The following PCGF5 variants were observed in gnomAD, a reference collection of about 807,000 sequenced individuals.
PCGF5 encodes polycomb group ring finger 5.
Under a neutral mutation model 44.3 loss-of-function variants are expected in PCGF5, and 9 were observed. The observed-to-expected ratio is 0.20, with a 90% confidence interval of 0.12 to 0.35. The LOEUF (loss-of-function observed/expected upper bound fraction) is 0.35. PCGF5 is among the 10% of genes least tolerant of loss of function. PCGF5 has a pLI of 1.00. For synonymous variants in PCGF5, 95 were observed against 102.5 expected (o/e 0.93, Z 0.44); for missense variants, 146 against 305.3 (o/e 0.48, Z 3.89).
At position 91,177,431 on chromosome 10, in the gene PCGF5, G is replaced by A. The variant is rs891133173; in HGVS notation, c.-184+14350G>A. Among the ~76,000 whole-genome samples, 13 of 152,236 alleles carry A rather than the reference G, an allele frequency of 8.5e-5. 1 individual carries two copies. The highest frequency in any genetic ancestry group is 6.5e-4 in the Admixed American group (10 of 15,284). ...TGGGAGAACCACTACTGTCTTCCAAGCTGTCAGACAGAGACATTTAAGTCT... is the reference window on the plus strand; with the variant it reads ...TGGGAGAACCACTACTGTCTTCCAAACTGTCAGACAGAGACATTTAAGTCT... On this transcript the variant is annotated intron_variant, in intron 1 of 9. Transcript: ENST00000614189.
intron 5 of PCGF5, among the ~76,000 whole-genome samples, chr10:91,250,965 T>G (rs894668390): frequency 2.3e-4 from 35 of 151,960 alleles, no homozygotes; most frequent in African/African-American, 6.7e-4. Flanking sequence ...TTTTTATATA[T>G]TCTGTCCACT....
intron 1 of PCGF5, among the ~76,000 whole-genome samples, chr10:91,207,963 G>T (rs935445563): frequency 6.6e-6 from 1 of 152,022 alleles, no homozygotes; most frequent in African/African-American, 2.4e-5. Flanking sequence ...TCCATTGTAG[G>T]GGTACCTTTT....
intron 6 of PCGF5, among the ~76,000 whole-genome samples, chr10:91,255,366 G>T (rs1190315412): frequency 6.6e-6 from 1 of 152,038 alleles, no homozygotes; most frequent in Non-Finnish European, 1.5e-5. Flanking sequence ...AGGGCCACGT[G>T]CATATGTAGA....
At chr10:91,265,740 A>G (rs1428055974) in intron 8 of PCGF5, among the ~76,000 whole-genome samples, 1 of 152,208 alleles carries the variant, frequency 6.6e-6, no homozygotes, top group Non-Finnish European at 1.5e-5. Flanking sequence ...TCTTGATATC[A>G]TATAATAATA....
chr10:91,251,338 T>C lies in PCGF5; in HGVS notation c.372T>C (p.Asp124=), dbSNP rs532969855. The C allele has an allele frequency of 5.0e-6, 8 of 1,610,796 alleles. No homozygotes were observed. The highest frequency in any genetic ancestry group is 1.7e-4 in the Middle Eastern group (1 of 6,036). The change falls in exon 6 of 10, where the codon GAT becomes GAC. Residue 124 remains aspartate, a synonymous_variant. Coordinates refer to ENST00000336126, the MANE Select transcript of PCGF5 (RefSeq NM_032373.5). ...ADKPKVDEEG[D]ENEDDKDYHR... ...AACCGAAAGTAGATGAAGAAGGTGA[T>C]GAAAATGAAGATGATAAAGATTATC... is the stretch of plus-strand genomic sequence containing the variant.
At chr10:91,158,035 G>A (rs1488979389), upstream of PCGF5, among the ~76,000 whole-genome samples, 3 of 152,202 alleles carry the variant, frequency 2.0e-5, no homozygotes, top group Non-Finnish European at 4.4e-5. Context: ...TACTTTTTAA[G>A]ATTAAGACAA....
intron 7 of PCGF5, among the ~76,000 whole-genome samples, chr10:91,261,879 G>T (rs1845920039): frequency 6.6e-6 from 1 of 152,136 alleles, no homozygotes; most frequent in Non-Finnish European, 1.5e-5. Flanking sequence ...GTTTTGTTTA[G>T]CAGTAGATAT....
chr10:91,229,874 T>C (rs1173332216), intron 2 of PCGF5, among the ~76,000 whole-genome samples: 1 of 152,210 alleles, frequency 6.6e-6, no homozygotes, highest in African/African-American at 2.4e-5. Flanking sequence ...TTTTAAGATA[T>C]ACTAGAAATG....
intron 9 of PCGF5, among the ~76,000 whole-genome samples, chr10:91,276,634 G>A (rs7912140): frequency 1.3e-5 from 2 of 152,024 alleles, no homozygotes; most frequent in African/African-American, 4.8e-5. Flanking sequence ...ATTTTCAGCC[G>A]GAAACTGAGA....
upstream of PCGF5, among the ~76,000 whole-genome samples, chr10:91,160,266 G>A (rs759711342): frequency 4.6e-5 from 7 of 152,172 alleles, no homozygotes; most frequent in Admixed American, 3.9e-4. Context: ...ACTGTTGGGC[G>A]TTGGGATTTG....
intron 9 of PCGF5, among the ~76,000 whole-genome samples, chr10:91,272,806 C>T (rs1329315489): frequency 1.3e-5 from 2 of 152,032 alleles, no homozygotes; most frequent in African/African-American, 4.8e-5. Context: ...TAATAAAATC[C>T]ACCGTTCTTT....
At chr10:91,245,006 TAGA>T (rs1050725602) in intron 3 of PCGF5, among the ~76,000 whole-genome samples, 1 of 151,870 alleles carries the variant, frequency 6.6e-6, no homozygotes, top group African/African-American at 2.4e-5. Context: ...CTTCAACATA[TAGA>T]AGGTCTTTCA....
chr10:91,159,044 T>C (rs1843349841), upstream of PCGF5, among the ~76,000 whole-genome samples: 1 of 151,930 alleles, frequency 6.6e-6, no homozygotes, highest in Non-Finnish European at 1.5e-5. Context: ...AAGCAGGAAA[T>C]GTAGAGAAAT....
At chr10:91,221,329 G>C (rs1407604993) in intron 1 of PCGF5, among the ~76,000 whole-genome samples, 1 of 152,118 alleles carries the variant, frequency 6.6e-6, no homozygotes, top group East Asian at 1.9e-4. Flanking sequence ...CTCTTACTTT[G>C]GAGTTTCATG....
chr10:91,163,549 G>A (rs1041967102), intron 1 of PCGF5, among the ~76,000 whole-genome samples: 2 of 152,030 alleles, frequency 1.3e-5, no homozygotes, highest in Non-Finnish European at 2.9e-5. Context: ...CTGAGTCGGC[G>A]CTCGGGCCCT....
intron 9 of PCGF5, among the ~76,000 whole-genome samples, chr10:91,273,793 A>G (rs1305440049): frequency 6.6e-6 from 1 of 150,956 alleles, no homozygotes; most frequent in East Asian, 1.9e-4. Context: ...ATACACTAAT[A>G]TAGTGTATTA....
rs1482416502 is a variant in PCGF5 at position 91,279,844 on chromosome 10, T to C, written c.*1528T>C. ...GTATCAGAAATCAATGCCTTCTGAA[T>C]TTCAAAATGATTCTTAGAAATAAGA... On this transcript the variant is annotated 3_prime_UTR_variant, in exon 10 of 10. Transcript: ENST00000336126. 1 of 152,108 alleles carries C rather than the reference T, an allele frequency of 6.6e-6. No homozygotes were observed. Among genetic ancestry groups the C allele is most frequent in the Non-Finnish European group, 1.5e-5 (1 of 67,942 alleles). The allele number at this position is 152,108 out of a possible 1,614,324, so 9.4% of individuals were successfully genotyped here.
chr10:91,214,623 C>T (rs1336826789), intron 1 of PCGF5, among the ~76,000 whole-genome samples: 8 of 152,266 alleles, frequency 5.3e-5, no homozygotes, highest in East Asian at 3.9e-4. Context: ...CCCAGTTGAC[C>T]GGGATAGCAT....
At chr10:91,233,647 T>C (rs1024358090) in intron 2 of PCGF5, among the ~76,000 whole-genome samples, 2 of 152,172 alleles carry the variant, frequency 1.3e-5, no homozygotes, top group African/African-American at 4.8e-5. Flanking sequence ...TTTTTTAAAT[T>C]AGTGTTAGTT....
Sources: gnomAD v4.1 joint callset for allele counts (sites outside exome capture counted in the v4.1 genomes callset) on GRCh38, gnomAD v4.1.1 for gene constraint, MANE v1.5 for transcripts, NCBI Gene and HGNC (gene_info 2026-07-23, HGNC 2026-07-21) for gene names.